The following NUDT4 variants were observed in gnomAD, a reference collection of about 807,000 sequenced individuals.
NUDT4 encodes nudix hydrolase 4, also known as diphosphoinositol polyphosphate phosphohydrolase 2.
NUDT4 carries 5 observed loss-of-function variants against 23.1 expected under a neutral mutation model. The observed-to-expected ratio is 0.22, with a 90% CI of 0.11 to 0.46. The LOEUF is 0.46. NUDT4 is among the 20% of genes least tolerant of loss of function. The pLI, the probability that NUDT4 is intolerant of heterozygous loss-of-function variation, is 0.99. For missense variants in NUDT4, 96 were observed against 211.6 expected, an observed-to-expected ratio of 0.45 and a Z score of 3.39; for synonymous variants, 50 against 79.0, an observed-to-expected ratio of 0.63 and a Z score of 1.95.
intron 3 of NUDT4, among the ~76,000 whole-genome samples, chr12:93,398,405 C>G (rs749521916): frequency 6.7e-6 from 1 of 148,884 alleles, no homozygotes. Context: ...AAGTTTAGTA[C>G]TGGAGGCTGG....
rs541010656 is a variant in NUDT4 at position 93,392,548 on chromosome 12, C to T, written c.100-2061C>T. Among the ~76,000 whole-genome samples, 56 of 150,870 alleles carry T rather than the reference C, an allele frequency of 3.7e-4. No homozygotes were observed. In the South Asian group the frequency reaches 9.8e-3, roughly 27 times the overall value. On this transcript the variant is annotated intron_variant, in intron 1 of 4. Coordinates refer to ENST00000415493, the MANE Select transcript of NUDT4 (RefSeq NM_019094.6). ...CTAGGATTACAGGCATGAGCCACTGCGCCCGGCCAGATATTCATTTAAAAG... is the reference window on the plus strand; with the variant it reads ...CTAGGATTACAGGCATGAGCCACTGTGCCCGGCCAGATATTCATTTAAAAG...
At chr12:93,387,010 T>G (rs1876152585) in intron 1 of NUDT4, among the ~76,000 whole-genome samples, 1 of 152,178 alleles carries the variant, frequency 6.6e-6, no homozygotes, top group Admixed American at 6.5e-5. Context: ...CTCAGCTCAC[T>G]GCAAACCGCC....
intron 3 of NUDT4, among the ~76,000 whole-genome samples, chr12:93,396,470 T>G (rs564095934): frequency 2.0e-5 from 3 of 152,168 alleles, no homozygotes; most frequent in African/African-American, 7.2e-5. Flanking sequence ...ATGGTCACTT[T>G]CCTTTTTTCA....
chr12:93,397,667 G>T (rs1417546673), intron 3 of NUDT4, among the ~76,000 whole-genome samples: 1 of 152,046 alleles, frequency 6.6e-6, no homozygotes, highest in Non-Finnish European at 1.5e-5. Flanking sequence ...CTGAATTACA[G>T]GCATACAACC....
chr12:93,396,898 G>A (rs1312549608), intron 3 of NUDT4, among the ~76,000 whole-genome samples: 1 of 152,156 alleles, frequency 6.6e-6, no homozygotes, highest in Non-Finnish European at 1.5e-5. Flanking sequence ...CGTTCAAGTA[G>A]AATTCAGTCT....
rs531629253 is a variant in NUDT4, at chr12:93,405,614, C to T, written c.*6235C>T. The T allele has an allele frequency of 1.4e-4, 21 of 152,340 alleles. No homozygotes were observed. The highest frequency in any genetic ancestry group is 4.8e-4 in the African/African-American group (20 of 41,574). 9.4% of individuals were successfully genotyped at this position (152,340 alleles called of 1,614,324 possible). A position where few individuals can be genotyped will look rare whatever the true frequency, so the allele number is the denominator to read the frequency against. ...AAGCCAACTCTTGGAATATACCTGACTTCCACGATAAAATGGAGATGAGTG... is the reference window on the plus strand; with the variant it reads ...AAGCCAACTCTTGGAATATACCTGATTTCCACGATAAAATGGAGATGAGTG... On this transcript the variant is annotated 3_prime_UTR_variant, in exon 5 of 5. Coordinates refer to ENST00000415493, the MANE Select transcript of NUDT4 (RefSeq NM_019094.6).
intron 1 of NUDT4, among the ~76,000 whole-genome samples, chr12:93,389,962 T>C (rs923389725): frequency 3.3e-5 from 5 of 152,164 alleles, no homozygotes; most frequent in Admixed American, 1.3e-4. Context: ...CTTATACTAA[T>C]GGTTTTTCAA....
At chr12:93,379,786 G>A (rs973494693) in intron 1 of NUDT4, among the ~76,000 whole-genome samples, 5 of 152,184 alleles carry the variant, frequency 3.3e-5, no homozygotes, top group African/African-American at 1.2e-4. Context: ...AGCATTAAGT[G>A]TGTTCTGTAA....
intron 4 of NUDT4, 32 bp downstream of exon 4, chr12:93,398,887 T>C (rs1431783075): frequency 7.6e-7 from 1 of 1,318,066 alleles, no homozygotes; most frequent in East Asian, 2.3e-5. Flanking sequence ...GAATACTCTG[T>C]TCTAACAGAA....
In NUDT4 at chr12:93,407,904, A is replaced by G. The variant is rs1408656544; in HGVS notation, c.*8525A>G. 6.6e-6 allele frequency: 1 copy of G among 152,220 alleles called. No individual in the cohort carries two copies. The highest frequency in any genetic ancestry group is 1.5e-5 in the Non-Finnish European group (1 of 68,040). 9.4% of individuals were successfully genotyped at this position (152,220 alleles called of 1,614,324 possible). A position where few individuals can be genotyped will look rare whatever the true frequency, so the allele number is the denominator to read the frequency against. On this transcript the variant is annotated 3_prime_UTR_variant, in exon 5 of 5. Transcript: ENST00000415493. ...CTTAGCAAAGTAATGGGGGAGTCTT[A>G]CCAAAACTGCAAAGGAAAAAAATAT...
chr12:93,378,347 A>G lies in NUDT4; in HGVS notation c.25A>G (p.Thr9Ala), dbSNP rs1270631872. The change falls in exon 1 of 5, where the codon ACG (threonine) becomes GCG (alanine). Residue 9 changes from threonine to alanine, a missense_variant. Coordinates refer to ENST00000415493, the MANE Select transcript of NUDT4 (RefSeq NM_019094.6). ...TATGATGAAGTTCAAGCCCAACCAG[A>G]CGCGGACCTACGACCGCGAGGGCTT... The part of the protein sequence containing the change: MMKFKPNQ[T>A]RTYDREGFKK... 2 of 1,508,202 alleles carry G rather than the reference A, an allele frequency of 1.3e-6. No individual in the cohort carries two copies. The highest frequency in any genetic ancestry group is 1.8e-6 in the Non-Finnish European group (2 of 1,116,028). The allele number at this position is 1,508,202 out of a possible 1,614,324, so 93.4% of individuals were successfully genotyped here.
chr12:93,393,250 C>T (rs1336897958), intron 1 of NUDT4, among the ~76,000 whole-genome samples: 1 of 148,496 alleles, frequency 6.7e-6, no homozygotes, highest in Non-Finnish European at 1.5e-5. Context: ...TACAGGCATG[C>T]ACCACCACAC....
rs1271765719 is a variant in NUDT4 at position 93,401,925 on chromosome 12, T to TTC, written c.*2547_*2548insCT. 1 of 103,378 alleles carries TTC rather than the reference T, an allele frequency of 9.7e-6. No individual in the cohort carries two copies. Among genetic ancestry groups the TTC allele is most frequent in the African/African-American group, 3.3e-5 (1 of 30,586 alleles). The allele number at this position is 103,378 out of a possible 1,614,324, so 6.4% of individuals were successfully genotyped here. On this transcript the variant is annotated 3_prime_UTR_variant, in exon 5 of 5. Transcript: ENST00000415493. ...AGTGTTGGGACTGTCATTTGTGATT[T>TTC]TTTTTTTTTTTTTTTGGTGGGGTAG...
In NUDT4 at chr12:93,385,941, T is replaced by TATATATATATATA. The variant is rs1565777284; in HGVS notation, c.99+7520_99+7521insATATATATATATA. On this transcript the variant is annotated intron_variant, in intron 1 of 4. Coordinates refer to ENST00000415493, the MANE Select transcript of NUDT4 (RefSeq NM_019094.6). ...ATATATATATATATAGTAAATCTTTTTATATATATATATATATATATATAT... is the reference window on the plus strand; with the variant it reads ...ATATATATATATATAGTAAATCTTTTATATATATATATATATATATATATATATATATATATAT... Among the ~76,000 whole-genome samples, 234 of 104,566 alleles carry TATATATATATATA rather than the reference T, an allele frequency of 2.2e-3. 1 individual carries two copies. The highest frequency in any genetic ancestry group is 3.7e-3 in the East Asian group (11 of 2,968). The allele number at this position is 104,566 out of a possible 152,430, so 68.6% of individuals were successfully genotyped here.
At chr12:93,388,802 C>T (rs1459806587) in intron 1 of NUDT4, among the ~76,000 whole-genome samples, 1 of 151,998 alleles carries the variant, frequency 6.6e-6, no homozygotes, top group African/African-American at 2.4e-5. Context: ...AATATGTGAC[C>T]CTTGAGATGA....
At chr12:93,389,994 T>C (rs17837158) in intron 1 of NUDT4, among the ~76,000 whole-genome samples, 19,142 of 152,204 alleles carry the variant, frequency 0.13, 1,359 homozygotes, top group Admixed American at 0.19. Context: ...TCCTGTAATT[T>C]AGCTCTGTCT....
At chr12:93,384,367 C>T (rs1358814242) in intron 1 of NUDT4, among the ~76,000 whole-genome samples, 1 of 152,090 alleles carries the variant, frequency 6.6e-6, no homozygotes, top group Admixed American at 6.6e-5. Context: ...CGGCGTTTCA[C>T]TATGTTGGCC....
chr12:93,381,597 G>C (rs1875664650), intron 1 of NUDT4, among the ~76,000 whole-genome samples: 1 of 152,210 alleles, frequency 6.6e-6, no homozygotes, highest in Non-Finnish European at 1.5e-5. Flanking sequence ...CTGGGGTTCA[G>C]ATCCAATGTG....
chr12:93,390,576 C>T (rs1032464638), intron 1 of NUDT4, among the ~76,000 whole-genome samples: 5 of 151,836 alleles, frequency 3.3e-5, no homozygotes, highest in African/African-American at 1.2e-4. Flanking sequence ...TCTATAAAGT[C>T]TCATCTGGGT....
Sources: allele counts gnomAD v4.1 joint callset (sites outside exome capture counted in the v4.1 genomes callset), GRCh38; gene constraint gnomAD v4.1.1; transcripts MANE v1.5; gene names NCBI Gene and HGNC (gene_info 2026-07-23, HGNC 2026-07-21).